The following PRIM2 variants were observed in gnomAD, a reference collection of about 807,000 sequenced individuals.
The protein encoded by PRIM2 is DNA primase subunit 2, also known as DNA primase large subunit.
Under a neutral mutation model 67.3 loss-of-function variants are expected in PRIM2, and 39 were observed. That is an observed-to-expected ratio of 0.58 (90% CI 0.45 to 0.76). PRIM2 has a LOEUF of 0.76. PRIM2 is among the 30% of genes least tolerant of loss of function. The pLI is 0.00. For synonymous variants in PRIM2, 143 were observed against 198.7 expected (o/e 0.72, Z 2.36); for missense variants, 398 against 598.7 (o/e 0.66, Z 3.50).
At chr6:57,508,292 A>G (rs1774291137) in intron 8 of PRIM2, among the ~76,000 whole-genome samples, 1 of 148,266 alleles carries the variant, frequency 6.7e-6, no homozygotes, top group Admixed American at 6.9e-5. Flanking sequence ...TGTTGAAATT[A>G]TAGTTTATGT....
At chr6:57,235,682 T>C in the PRIM2 span, among the ~76,000 whole-genome samples, 6 of 152,168 alleles carry the variant, frequency 3.9e-5, no homozygotes, top group East Asian at 1.2e-3. Flanking sequence ...GCAGATGTGG[T>C]TAAGAATTGT....
At chr6:57,605,427 T>G (rs1776543296) in intron 11 of PRIM2, among the ~76,000 whole-genome samples, 2 of 152,166 alleles carry the variant, frequency 1.3e-5, no homozygotes, top group South Asian at 4.1e-4. Flanking sequence ...GTTGATAGGT[T>G]TTTTATTCCA....
intron 7 of PRIM2, among the ~76,000 whole-genome samples, chr6:57,500,952 G>A (rs1406977089): frequency 2.0e-5 from 3 of 152,194 alleles, no homozygotes; most frequent in Non-Finnish European, 4.4e-5. Context: ...GGTTGTATGT[G>A]CTTCAGAACT....
the PRIM2 span, among the ~76,000 whole-genome samples, chr6:57,303,068 GTCTT>G: frequency 6.6e-6 from 1 of 152,084 alleles, no homozygotes; most frequent in Admixed American, 6.6e-5. Context: ...TTATTGCTAT[GTCTT>G]TCTATGTTTA....
chr6:57,313,861 C>T (rs987074480), upstream of PRIM2, among the ~76,000 whole-genome samples: 2 of 152,188 alleles, frequency 1.3e-5, no homozygotes, highest in African/African-American at 4.8e-5. Context: ...TTAGATTTAC[C>T]AAGCATGGCA....
intron 5 of PRIM2, among the ~76,000 whole-genome samples, chr6:57,350,621 T>G (rs573537654): frequency 6.6e-6 from 1 of 152,274 alleles, no homozygotes; most frequent in East Asian, 1.9e-4. Flanking sequence ...CTGCTAGAGC[T>G]CTGTTCTGAG....
chr6:57,242,194 G>C, the PRIM2 span, among the ~76,000 whole-genome samples: 1 of 152,080 alleles, frequency 6.6e-6, no homozygotes, highest in Non-Finnish European at 1.5e-5. Context: ...TAAATGCTCA[G>C]TAAATAATTC....
At chr6:57,528,926 G>A (rs1774824115) in intron 8 of PRIM2, among the ~76,000 whole-genome samples, 1 of 152,092 alleles carries the variant, frequency 6.6e-6, no homozygotes, top group South Asian at 2.1e-4. Flanking sequence ...AATTAGGCAG[G>A]GCTGGCATTA....
chr6:57,367,554 T>C (rs1474778501), intron 5 of PRIM2, among the ~76,000 whole-genome samples: 1 of 152,160 alleles, frequency 6.6e-6, no homozygotes, highest in Non-Finnish European at 1.5e-5. Context: ...ACAGTACCCA[T>C]CTTATTATAT....
At chr6:57,223,750 A>T in the PRIM2 span, among the ~76,000 whole-genome samples, 3 of 152,214 alleles carry the variant, frequency 2.0e-5, no homozygotes, top group African/African-American at 7.2e-5. Context: ...GGGAAATGCA[A>T]CTCAAAACCA....
At chr6:57,582,314 A>C (rs1220792840) in intron 10 of PRIM2, among the ~76,000 whole-genome samples, 2 of 152,168 alleles carry the variant, frequency 1.3e-5, no homozygotes, top group Non-Finnish European at 2.9e-5. Flanking sequence ...TTTAATAAGC[A>C]ATGGCGTGTT....
At chr6:57,510,727 G>T (rs1461702782) in intron 8 of PRIM2, among the ~76,000 whole-genome samples, 2 of 152,122 alleles carry the variant, frequency 1.3e-5, no homozygotes, top group Non-Finnish European at 2.9e-5. Context: ...GATGTGCATA[G>T]TTTGACACTT....
Position 57,646,687 on chromosome 6 carries a change from A to G in PRIM2, c.*529A>G, listed in dbSNP as rs1433046509. 1.3e-5 allele frequency: 2 copies of G among 152,400 alleles called. No homozygotes were observed. The highest frequency in any genetic ancestry group is 4.8e-5 in the African/African-American group (2 of 41,466). The allele number at this position is 152,400 out of a possible 1,614,324, so 9.4% of individuals were successfully genotyped here. On this transcript the variant is annotated 3_prime_UTR_variant, in exon 14 of 14. Transcript: ENST00000615550. Reference sequence around the variant, plus strand: ...TCTATTAAAATCTGTCACTTGAGTGATGTCATTTAAGTCCTATTTTAGGAG... The same window carrying G: ...TCTATTAAAATCTGTCACTTGAGTGGTGTCATTTAAGTCCTATTTTAGGAG...
chr6:57,360,650 C>T (rs1769165149), intron 5 of PRIM2, among the ~76,000 whole-genome samples: 1 of 152,150 alleles, frequency 6.6e-6, no homozygotes, highest in African/African-American at 2.4e-5. Context: ...GTTTGCTGCA[C>T]AGCTTTCTGG....
chr6:57,562,519 C>T (rs1277180298), intron 10 of PRIM2, among the ~76,000 whole-genome samples: 53 of 152,272 alleles, frequency 3.5e-4, no homozygotes, highest in Non-Finnish European at 6.8e-4. Flanking sequence ...CTCCTAAGGG[C>T]ATATTTTCAG....
chr6:57,276,405 A>G, the PRIM2 span, among the ~76,000 whole-genome samples: 1 of 151,800 alleles, frequency 6.6e-6, no homozygotes, highest in Admixed American at 6.6e-5. Context: ...AATAAAATAA[A>G]CCAAAAACAA....
At chr6:57,574,928 T>C (rs1165393622) in intron 10 of PRIM2, among the ~76,000 whole-genome samples, 3 of 152,148 alleles carry the variant, frequency 2.0e-5, no homozygotes, top group Non-Finnish European at 2.9e-5. Flanking sequence ...GAGCTCTCGG[T>C]ATGTCCTGGG....
chr6:57,387,454 T>C (rs1683054505), intron 7 of PRIM2, among the ~76,000 whole-genome samples: 1 of 152,206 alleles, frequency 6.6e-6, no homozygotes, highest in Admixed American at 6.5e-5. Flanking sequence ...GTAATTTGTC[T>C]AAGATTATGT....
intron 10 of PRIM2, among the ~76,000 whole-genome samples, chr6:57,551,619 G>A (rs1775404971): frequency 6.6e-6 from 1 of 151,826 alleles, no homozygotes; most frequent in Non-Finnish European, 1.5e-5. Flanking sequence ...TATCTACTAT[G>A]TCCCAGGTGG....
Sources: gnomAD v4.1 joint callset for allele counts (sites outside exome capture counted in the v4.1 genomes callset) on GRCh38, gnomAD v4.1.1 for gene constraint, MANE v1.5 for transcripts, NCBI Gene and HGNC (gene_info 2026-07-23, HGNC 2026-07-21) for gene names.